Variants in NRK observed in about 807,000 individuals in gnomAD.
NRK encodes the protein Nik related kinase, also known as nik-related protein kinase.
A neutral mutation model predicts 125.2 loss-of-function variants in NRK; 67 were observed. The ratio of observed to expected loss-of-function variants is 0.54; its 90% CI spans 0.44 to 0.66. The LOEUF is 0.66. Among genes scored for constraint, NRK ranks in the 30% least tolerant of loss-of-function variants. The probability of loss-of-function intolerance (pLI) is 0.00; values close to 1 mark genes in which losing one functional copy is unlikely to be tolerated. For synonymous variants in NRK, 458 were observed against 429.0 expected (o/e 1.07, Z -0.84); for missense variants, 1,224 against 1,192.9 (o/e 1.03, Z -0.38).
chrX:105,840,117 T>C (rs761740964), intron 2 of NRK, among the ~76,000 whole-genome samples: 3 of 111,869 alleles, frequency 2.7e-5, no homozygotes, highest in Non-Finnish European at 5.7e-5. Context: ...AACTGTGGAA[T>C]AGAATCCAGG....
At chrX:105,828,934 T>G (rs183373429) in intron 1 of NRK, among the ~76,000 whole-genome samples, 3 of 112,264 alleles carry the variant, frequency 2.7e-5, no homozygotes, top group African/African-American at 6.4e-5. Context: ...TGTATTGTGA[T>G]CTTAACTTTG....
intron 2 of NRK, among the ~76,000 whole-genome samples, chrX:105,839,379 T>G (rs388055): frequency 0.2 from 22,189 of 110,504 alleles, 1,650 homozygotes; most frequent in Middle Eastern, 0.31. Flanking sequence ...ATTGCAAGTT[T>G]CTGAAGCAGG....
chrX:105,922,692 C>T (rs1261940291), intron 17 of NRK, among the ~76,000 whole-genome samples: 3 of 111,630 alleles, frequency 2.7e-5, no homozygotes, highest in Non-Finnish European at 3.8e-5. Context: ...GTTTGAGATA[C>T]TTTAAGACAA....
intron 4 of NRK, among the ~76,000 whole-genome samples, chrX:105,887,722 T>C (rs903610350): frequency 4.5e-5 from 5 of 112,090 alleles, no homozygotes; most frequent in Non-Finnish European, 5.6e-5. Context: ...TATGATTTCA[T>C]TTATATAAAA....
intron 2 of NRK, among the ~76,000 whole-genome samples, chrX:105,870,579 T>G (rs751207457): frequency 8.9e-6 from 1 of 112,100 alleles, no homozygotes; most frequent in African/African-American, 3.2e-5. Flanking sequence ...ACACAGAACT[T>G]TATTGTCCAT....
At chrX:105,927,041 A>T (rs1334556698) in intron 19 of NRK, among the ~76,000 whole-genome samples, 1 of 110,865 alleles carries the variant, frequency 9.0e-6, no homozygotes. Context: ...TTTCATAAGG[A>T]TTGCATAGAA....
intron 7 of NRK, 85 bp downstream of exon 7, chrX:105,895,608 C>A: frequency 3.2e-6 from 2 of 621,297 alleles, no homozygotes; most frequent in Non-Finnish European, 5.2e-6. Context: ...CTATCATGTC[C>A]CTGCCAATAT....
chrX:105,828,614 TTTGA>T (rs1289848119), intron 1 of NRK, among the ~76,000 whole-genome samples: 2 of 111,951 alleles, frequency 1.8e-5, no homozygotes, highest in African/African-American at 6.5e-5. Flanking sequence ...AGCTAACATG[TTTGA>T]TTATTTTGAC....
chrX:105,905,331 A>C lies in NRK; in HGVS notation c.833A>C (p.Lys278Thr). ...VILRESAPTV[K>T]SSGWSRKFHN... is the part of the protein sequence containing the mutation. ...TTGCGGGAATCTGCTCCCACAGTCA[A>C]ATCCAGCGGATGGTAAAGATGAATG... Residue 278 changes from lysine (K) to threonine (T), a missense_variant, in exon 10 of 29, where the codon AAA (lysine) becomes ACA (threonine). By Grantham distance (78) the Lys-to-Thr change is moderately conservative. Coordinates refer to ENST00000243300, the MANE Select transcript of NRK (RefSeq NM_198465.4). 1.7e-6 allele frequency: 2 copies of C among 1,186,068 alleles called. No individual in the cohort carries two copies. The highest frequency in any genetic ancestry group is 3.6e-5 in the South Asian group (2 of 55,602).
rs373444698 is a variant in NRK, at chrX:105,849,898, G to A, written c.123+18779G>A. Among the ~76,000 whole-genome samples, 20 of 111,821 alleles carry A rather than the reference G, an allele frequency of 1.8e-4. No homozygotes were observed. The East Asian group carries it at 4.9e-3, about 27-fold the overall frequency. ...GTGTCTGCAACTTTTCCAGGTGCAC[G>A]GTTCAAGCAGTCAGTGAATTTACAA... On this transcript the variant is annotated intron_variant, in intron 2 of 28. Coordinates refer to ENST00000243300, the MANE Select transcript of NRK (RefSeq NM_198465.4).
At chrX:105,917,154 C>A (rs2147758736) in intron 15 of NRK, among the ~76,000 whole-genome samples, 1 of 110,914 alleles carries the variant, frequency 9.0e-6, no homozygotes, top group African/African-American at 3.3e-5. Flanking sequence ...ACATTAATTT[C>A]AAGCATTTAA....
chrX:105,910,271 A>T (rs1361207063), intron 13 of NRK, among the ~76,000 whole-genome samples: 1 of 112,064 alleles, frequency 8.9e-6, no homozygotes, highest in East Asian at 2.8e-4. Flanking sequence ...TGTTACTCTA[A>T]CCTTTAAGTT....
chrX:105,855,713 C>T (rs2039523370), intron 2 of NRK, among the ~76,000 whole-genome samples: 1 of 111,856 alleles, frequency 8.9e-6, no homozygotes, highest in Non-Finnish European at 1.9e-5. Flanking sequence ...ATGAGATCCA[C>T]TAAACCACTG....
chrX:105,865,121 A>T (rs969120370), intron 2 of NRK, among the ~76,000 whole-genome samples: 1 of 111,790 alleles, frequency 8.9e-6, no homozygotes, highest in Admixed American at 9.5e-5. Context: ...ACCCCTTAGC[A>T]GCTGCTGAAA....
At chrX:105,932,952 C>CT (rs754778253) in intron 19 of NRK, among the ~76,000 whole-genome samples, 84 of 111,283 alleles carry the variant, frequency 7.5e-4, no homozygotes, top group Middle Eastern at 9.4e-3. Context: ...ATTGTGAACT[C>CT]TTAAAGGAAA....
chrX:105,940,883 T>G (rs1489441492), intron 23 of NRK, among the ~76,000 whole-genome samples: 1 of 112,147 alleles, frequency 8.9e-6, no homozygotes, highest in East Asian at 2.8e-4. Context: ...CTGTCCTGAC[T>G]GACCATTATT....
intron 2 of NRK, among the ~76,000 whole-genome samples, chrX:105,862,089 C>G (rs1157510312): frequency 9.0e-6 from 1 of 111,155 alleles, no homozygotes; most frequent in Non-Finnish European, 1.9e-5. Flanking sequence ...ATCTATCTAT[C>G]TATCTATCTA....
intron 2 of NRK, among the ~76,000 whole-genome samples, chrX:105,874,855 A>T (rs1439191574): frequency 1.8e-5 from 2 of 111,717 alleles, no homozygotes; most frequent in Non-Finnish European, 3.8e-5. Context: ...AAGAACACAA[A>T]TCCTTGCCAA....
intron 22 of NRK, among the ~76,000 whole-genome samples, chrX:105,937,986 A>G (rs1460825642): frequency 1.8e-5 from 2 of 111,803 alleles, no homozygotes; most frequent in Non-Finnish European, 3.8e-5. Context: ...AGTTGTCCTT[A>G]GTATATAGCC....
Sources: allele counts gnomAD v4.1 joint callset (sites outside exome capture counted in the v4.1 genomes callset), GRCh38; gene constraint gnomAD v4.1.1; transcripts MANE v1.5; gene names NCBI Gene and HGNC (gene_info 2026-07-23, HGNC 2026-07-21).